Variants in ECE1 observed in about 807,000 individuals in gnomAD.
ECE1 encodes the protein endothelin-converting enzyme 1.
A neutral mutation model predicts 98.6 loss-of-function variants in ECE1; 35 were observed. The ratio of observed to expected loss-of-function variants is 0.35; its 90% CI spans 0.27 to 0.47. ECE1 has a LOEUF of 0.47. Ranked by LOEUF, ECE1 falls within the 20% of genes least tolerant of loss-of-function variation. The pLI, the probability that ECE1 is intolerant of heterozygous loss-of-function variation, is 1.00. For synonymous variants in ECE1, 394 were observed against 407.1 expected, an observed-to-expected ratio of 0.97 and a Z score of 0.39; for missense variants, 814 against 1,025.3, an observed-to-expected ratio of 0.79 and a Z score of 2.81.
intron 1 of ECE1, chr1:21,298,832 G>A (rs752286483): frequency 6.6e-6 from 3 of 456,218 alleles, no homozygotes; most frequent in East Asian, 6.9e-5. Flanking sequence ...CCATCCTTAC[G>A]ACTTCAGGTG....
Position 21,233,588 on chromosome 1 carries a change from T to C in ECE1, c.1640A>G (p.Asp547Gly). Residue 547 changes from aspartate (D) to glycine (G), a missense_variant, in exon 14 of 19, where the codon GAT becomes GGT. Asp to Gly is a moderately conservative substitution (Grantham distance 94, BLOSUM62 -1). Transcript: ENST00000374893. This position sits in a 1 kb window ranked among gnomAD's most constrained non-coding sequence, Gnocchi z 4.0. ...TCTGTTGGGGGCTTTCCTGAGCTGA[T>C]CGGCAGTGACCCTCCATGAGAAGTT... is the stretch of plus-strand genomic sequence containing the variant. The part of the protein sequence containing the change: ...FFNFSWRVTA[D>G]QLRKAPNRDQ... 1 of 1,613,808 alleles carries C rather than the reference T, an allele frequency of 6.2e-7. No individual in the cohort carries two copies. Among genetic ancestry groups the C allele is most frequent in the Non-Finnish European group, 8.5e-7 (1 of 1,179,970 alleles).
At chr1:21,277,711 T>C (rs1313716807) in intron 3 of ECE1, among the ~76,000 whole-genome samples, 1 of 152,206 alleles carries the variant, frequency 6.6e-6, no homozygotes, top group African/African-American at 2.4e-5. Flanking sequence ...TGCACACCTA[T>C]GGCACAGGCA....
chr1:21,317,148 G>A (rs1263720471), intron 1 of ECE1, among the ~76,000 whole-genome samples: 1 of 152,116 alleles, frequency 6.6e-6, no homozygotes, highest in Non-Finnish European at 1.5e-5. Context: ...TGGTTTTACT[G>A]AGCCTGATGC....
intron 4 of ECE1, among the ~76,000 whole-genome samples, chr1:21,269,970 G>A (rs1019817464): frequency 6.6e-6 from 1 of 152,156 alleles, no homozygotes; most frequent in Non-Finnish European, 1.5e-5. Flanking sequence ...TGATTGTCAG[G>A]AACAGTGGGG....
chr1:21,305,074 C>A (rs1269466507), intron 1 of ECE1, among the ~76,000 whole-genome samples: 1 of 152,220 alleles, frequency 6.6e-6, no homozygotes, highest in Non-Finnish European at 1.5e-5. Context: ...CCATGAGCCA[C>A]ATGTGGCTAT....
At chr1:21,279,730 C>CA in intron 2 of ECE1, 1 of 1,299,778 alleles carries the variant, frequency 7.7e-7, no homozygotes, top group Non-Finnish European at 9.8e-7. Flanking sequence ...TCAGCGGGGT[C>CA]AGGGACAAGG....
At position 21,322,399 on chromosome 1, in the gene ECE1, C is replaced by T. The variant is rs145884513; in HGVS notation, c.3+22977G>A. On this transcript the variant is annotated intron_variant, in intron 1 of 18. Coordinates refer to the ECE1 transcript ENST00000415912. The surrounding 1 kb of genome is among the most constrained non-coding windows in gnomAD (Gnocchi z 4.1). ...ACTTGGTAGCCCTTAGCCCAGCAGA[C>T]GCCCAGGCAGCCTGGCTGCACAGTT... Among the ~76,000 whole-genome samples the T allele has an allele frequency of 7.2e-4, 110 of 152,326 alleles. No individual in the cohort carries two copies. The highest frequency in any genetic ancestry group is 2.3e-3 in the African/African-American group (96 of 41,572).
At chr1:21,321,885 G>A (rs1638973181) in intron 1 of ECE1, among the ~76,000 whole-genome samples, 1 of 152,142 alleles carries the variant, frequency 6.6e-6, no homozygotes, top group African/African-American at 2.4e-5. Flanking sequence ...CAAAGTGCTG[G>A]GATTACAGGC....
intron 4 of ECE1, among the ~76,000 whole-genome samples, chr1:21,261,459 A>G (rs868046357): frequency 6.6e-6 from 1 of 152,060 alleles, no homozygotes; most frequent in African/African-American, 2.4e-5. Flanking sequence ...CCTGTCCCCA[A>G]GGAGCTTCTG....
In ECE1 at chr1:21,233,423, G is replaced by C; in HGVS notation, c.1670+135C>G. 1 of 723,728 alleles carries C rather than the reference G, an allele frequency of 1.4e-6. No homozygotes were observed. The allele number at this position is 723,728 out of a possible 1,614,324, so 44.8% of individuals were successfully genotyped here. ...TTCATCTGAAAAGTGGGATAACAAGGGCATCCACTCTTCAGACGGCTCTCG... is the reference window on the plus strand; with the variant it reads ...TTCATCTGAAAAGTGGGATAACAAGCGCATCCACTCTTCAGACGGCTCTCG... On this transcript the variant is annotated intron_variant, in intron 14 of 18. Coordinates refer to ENST00000374893, the MANE Select transcript of ECE1 (RefSeq NM_001397.3). This position sits in a 1 kb window ranked among gnomAD's most constrained non-coding sequence, Gnocchi z 4.0.
Position 21,327,374 on chromosome 1 carries a change from C to T in ECE1, c.3+18002G>A, listed in dbSNP as rs1366142226. ...AGCGACGGGCTGATCCCCTGCCCCA[C>T]TCCAATCAATCACCAGGCCCTGCCC... On this transcript the variant is annotated intron_variant, in intron 1 of 18. Transcript: ENST00000415912. The surrounding 1 kb of genome is among the most constrained non-coding windows in gnomAD (Gnocchi z 4.6). Among the ~76,000 whole-genome samples, 4 of 152,196 alleles carry T rather than the reference C, an allele frequency of 2.6e-5. No individual in the cohort carries two copies. The highest frequency in any genetic ancestry group is 2.0e-4 in the Admixed American group (3 of 15,276).
intron 1 of ECE1, among the ~76,000 whole-genome samples, chr1:21,325,097 C>CA (rs1639050434): frequency 6.6e-6 from 1 of 152,152 alleles, no homozygotes; most frequent in Admixed American, 6.5e-5. Context: ...AGACTGGTTG[C>CA]AAAACTGCAA....
chr1:21,285,421 C>T (rs1309417594), intron 2 of ECE1, among the ~76,000 whole-genome samples: 1 of 152,128 alleles, frequency 6.6e-6, no homozygotes, highest in African/African-American at 2.4e-5. Flanking sequence ...ACTTCTCAGA[C>T]TCTCAAACCT....
chr1:21,233,832 C>T lies in ECE1; in HGVS notation c.1567-171G>A, dbSNP rs1266610455. On this transcript the variant is annotated intron_variant, in intron 13 of 18. Transcript: ENST00000374893. The surrounding 1 kb of genome is among the most constrained non-coding windows in gnomAD (Gnocchi z 4.0). ...TTCTCTTGGCCTTCACCCTGGGGCACGAGATGGAATGACACCGTTGCAGGA... is the reference window on the plus strand; with the variant it reads ...TTCTCTTGGCCTTCACCCTGGGGCATGAGATGGAATGACACCGTTGCAGGA... Among the ~76,000 whole-genome samples, 2 of 151,906 alleles carry T rather than the reference C, an allele frequency of 1.3e-5. No individual in the cohort carries two copies. The highest frequency in any genetic ancestry group is 2.4e-5 in the African/African-American group (1 of 41,354).
intron 1 of ECE1, among the ~76,000 whole-genome samples, chr1:21,333,432 A>G (rs1253369661): frequency 6.6e-6 from 1 of 152,160 alleles, no homozygotes; most frequent in Non-Finnish European, 1.5e-5. Context: ...AGATGGGCCA[A>G]CCATGGCCCA....
At chr1:21,330,226 CTTTTT>C (rs71014186) in intron 1 of ECE1, among the ~76,000 whole-genome samples, 4 of 43,404 alleles carry the variant, frequency 9.2e-5, no homozygotes, top group South Asian at 8.6e-4. Flanking sequence ...TCGCCAAATA[CTTTTT>C]TTTTTTTTTT....
chr1:21,256,720 T>G (rs2098220427), intron 7 of ECE1: 1 of 153,624 alleles, frequency 6.5e-6, no homozygotes, highest in South Asian at 2.0e-4. Context: ...GGGCTTGTCC[T>G]GGGGCTGTCT....
At chr1:21,311,018 C>A (rs1436930131) in intron 1 of ECE1, among the ~76,000 whole-genome samples, 5 of 152,210 alleles carry the variant, frequency 3.3e-5, no homozygotes, top group Non-Finnish European at 7.3e-5. Context: ...GTGAGGAAAG[C>A]TGGACCTACA....
chr1:21,230,040 A>G (rs914375347), intron 14 of ECE1, among the ~76,000 whole-genome samples: 1 of 152,056 alleles, frequency 6.6e-6, no homozygotes, highest in African/African-American at 2.4e-5. Context: ...GTCTCTACAA[A>G]AAATACAAAC....
Sources: gnomAD v4.1 joint callset for allele counts (sites outside exome capture counted in the v4.1 genomes callset) on GRCh38, gnomAD v4.1.1 for gene constraint, Gnocchi (gnomAD v3.1) non-coding constraint, MANE v1.5 for transcripts, NCBI Gene and HGNC (gene_info 2026-07-23, HGNC 2026-07-21) for gene names.